The following ELOVL2 variants were observed in gnomAD, a reference collection of about 807,000 sequenced individuals.
ELOVL2 encodes the protein very long chain fatty acid elongase 2.
ELOVL2 carries 38 observed loss-of-function variants against 37.7 expected under a neutral mutation model. The ratio of observed to expected loss-of-function variants is 1.01; its 90% CI spans 0.78 to 1.32. ELOVL2 has a LOEUF of 1.32. ELOVL2 is among the 40% of genes most tolerant of loss of function. The probability of loss-of-function intolerance (pLI) is 0.00; values close to 1 mark genes in which losing one functional copy is unlikely to be tolerated. For synonymous variants in ELOVL2, 115 were observed against 122.3 expected (o/e 0.94, Z 0.40); for missense variants, 352 against 363.6 (o/e 0.97, Z 0.26).
chr6:10,984,071 G>A (rs1781995091), intron 7 of ELOVL2, among the ~76,000 whole-genome samples, 165 bp from the exon 8 acceptor site: 1 of 152,304 alleles, frequency 6.6e-6, no homozygotes, highest in African/African-American at 2.4e-5. Context: ...AGGCTGGAGT[G>A]CAATGGCACG....
At chr6:11,000,567 C>T (rs1455470927) in intron 3 of ELOVL2, among the ~76,000 whole-genome samples, 5 of 152,088 alleles carry the variant, frequency 3.3e-5, no homozygotes, top group Non-Finnish European at 5.9e-5. Flanking sequence ...TTAATCATCT[C>T]AATAATTTTT....
chr6:10,995,480 G>C (rs1314933383), intron 4 of ELOVL2, among the ~76,000 whole-genome samples: 2 of 152,168 alleles, frequency 1.3e-5, no homozygotes, highest in African/African-American at 4.8e-5. Context: ...GGCTTGGGTG[G>C]CTGCTGTTTC....
chr6:10,990,460 A>G lies in ELOVL2; in HGVS notation c.506-18T>C, dbSNP rs1312930515. On this transcript the variant is annotated intron_variant, in intron 5 of 7. Coordinates refer to ENST00000354666, the MANE Select transcript of ELOVL2 (RefSeq NM_017770.4). ...AAAGAAACCTATAAAAGTACAGTAT[A>G]AAAATCACTATTCTTCCAGGAAGGA... is the stretch of plus-strand genomic sequence containing the variant. The G allele has an allele frequency of 1.3e-6, 2 of 1,561,020 alleles. No individual in the cohort carries two copies. Among genetic ancestry groups the G allele is most frequent in the African/African-American group, 2.8e-5 (2 of 71,688 alleles).
At chr6:10,998,805 C>T (rs1359305429) in intron 4 of ELOVL2, among the ~76,000 whole-genome samples, 3 of 152,176 alleles carry the variant, frequency 2.0e-5, no homozygotes, top group Non-Finnish European at 4.4e-5. Context: ...GTAATCACTG[C>T]TCGTTGTACT....
At chr6:11,015,250 T>C (rs1196494961) in intron 1 of ELOVL2, among the ~76,000 whole-genome samples, 1 of 152,154 alleles carries the variant, frequency 6.6e-6, no homozygotes, top group Non-Finnish European at 1.5e-5. Context: ...AATAAGGACA[T>C]ATTCATATAT....
At chr6:11,019,695 T>C (rs1782736090) in intron 1 of ELOVL2, among the ~76,000 whole-genome samples, 2 of 150,492 alleles carry the variant, frequency 1.3e-5, no homozygotes, top group Non-Finnish European at 3.0e-5. Context: ...AGGGACTAAC[T>C]TTTTACTCTG....
At chr6:11,023,323 G>T (rs899580215) in intron 1 of ELOVL2, among the ~76,000 whole-genome samples, 2 of 152,166 alleles carry the variant, frequency 1.3e-5, no homozygotes, top group Admixed American at 1.3e-4. Flanking sequence ...CTGACCAGAG[G>T]GGAAGCAGGT....
At chr6:11,022,076 CG>C (rs1312047365) in intron 1 of ELOVL2, among the ~76,000 whole-genome samples, 10 of 152,160 alleles carry the variant, frequency 6.6e-5, no homozygotes, top group Admixed American at 5.2e-4. Context: ...AGAGAGAGGC[CG>C]TGATGAAAAA....
rs765222989 is a variant in ELOVL2, at chr6:10,990,276, C to T, written c.630+42G>A. The T allele has an allele frequency of 5.6e-6, 9 of 1,599,134 alleles. No homozygotes were observed. The Admixed American group carries it at 1.4e-4, about 25-fold the overall frequency. ...AAGATTTCTATTTCCTTTCCCCATC[C>T]ATAAGCCACATGGAGAAAAGCTAAA... On this transcript the variant is annotated intron_variant, in intron 6 of 7. Transcript: ENST00000354666.
Position 11,031,628 on chromosome 6 carries a change from TCTC to T in ELOVL2, c.3+12597_3+12599del, listed in dbSNP as rs541841413. On this transcript the variant is annotated intron_variant, in intron 1 of 7. Transcript: ENST00000354666. ...TTTGTTATATACACTGCAAATAACT[TCTC>T]CTCCTTTAAAAAGAAAAAATCTGTA... 9.8e-5 allele frequency among the ~76,000 whole-genome samples: 15 copies of T among 152,306 alleles called. No individual in the cohort carries two copies. The East Asian group carries it at 2.3e-3, about 23-fold the overall frequency.
In ELOVL2 at chr6:11,028,646, A is replaced by G. The variant is rs371154650; in HGVS notation, c.3+15582T>C. Among the ~76,000 whole-genome samples, 22 of 148,630 alleles carry G rather than the reference A, an allele frequency of 1.5e-4. 1 individual carries two copies. The East Asian group carries it at 3.5e-3, about 23-fold the overall frequency. On this transcript the variant is annotated intron_variant, in intron 1 of 7. Coordinates refer to ENST00000354666, the MANE Select transcript of ELOVL2 (RefSeq NM_017770.4). ...TCAAGAATTTTCTAATTGCCAGTTCAGAGTTGCCCCCCATCACTGATTTCT... is the reference window on the plus strand; with the variant it reads ...TCAAGAATTTTCTAATTGCCAGTTCGGAGTTGCCCCCCATCACTGATTTCT...
chr6:11,033,431 A>G (rs1420716470), intron 1 of ELOVL2, among the ~76,000 whole-genome samples: 1 of 152,224 alleles, frequency 6.6e-6, no homozygotes, highest in Non-Finnish European at 1.5e-5. Flanking sequence ...TCTTAAGGGT[A>G]AATTTTTAGG....
intron 1 of ELOVL2, among the ~76,000 whole-genome samples, chr6:11,016,943 C>T (rs1782693254): frequency 6.8e-6 from 1 of 147,804 alleles, no homozygotes; most frequent in South Asian, 2.1e-4. Context: ...AGGGCCTATC[C>T]ACTCTCATCC....
intron 1 of ELOVL2, among the ~76,000 whole-genome samples, chr6:11,035,344 T>TA (rs1191568417): frequency 1.3e-5 from 2 of 152,238 alleles, no homozygotes; most frequent in Non-Finnish European, 2.9e-5. Context: ...TACAGATCCC[T>TA]AGGCCCCTCC....
At chr6:11,026,962 A>G (rs1372891523) in intron 1 of ELOVL2, among the ~76,000 whole-genome samples, 2 of 152,218 alleles carry the variant, frequency 1.3e-5, no homozygotes, top group African/African-American at 4.8e-5. Flanking sequence ...GCTAATTAAC[A>G]CATCCATTAC....
At chr6:11,039,122 A>G (rs1405211789) in intron 1 of ELOVL2, among the ~76,000 whole-genome samples, 2 of 152,260 alleles carry the variant, frequency 1.3e-5, no homozygotes, top group Non-Finnish European at 2.9e-5. Context: ...AGGGCAGCCA[A>G]TGTAAAGATG....
intron 1 of ELOVL2, chr6:11,015,596 T>G (rs1056738743): frequency 3.3e-5 from 5 of 152,076 alleles, no homozygotes; most frequent in African/African-American, 1.2e-4. Context: ...CACTTGGAGG[T>G]AGTAGGGATC....
chr6:11,015,748 CAAG>C (rs752778316), intron 1 of ELOVL2: 1 of 152,064 alleles, frequency 6.6e-6, no homozygotes, highest in African/African-American at 2.4e-5. Flanking sequence ...ACAGAAGAGC[CAAG>C]AAGGACACAC....
intron 4 of ELOVL2, among the ~76,000 whole-genome samples, 184 bp from the exon 5 acceptor site, chr6:10,995,362 T>G (rs1053011974): frequency 2.0e-5 from 3 of 152,078 alleles, no homozygotes; most frequent in Non-Finnish European, 2.9e-5. Flanking sequence ...CACCCACCTC[T>G]AGTGAGAGAT....
Sources: gnomAD v4.1 joint callset for allele counts (sites outside exome capture counted in the v4.1 genomes callset) on GRCh38, gnomAD v4.1.1 for gene constraint, MANE v1.5 for transcripts, NCBI Gene and HGNC (gene_info 2026-07-23, HGNC 2026-07-21) for gene names.